The following NTRK3 variants were observed in gnomAD, a reference collection of about 807,000 sequenced individuals.
NTRK3 encodes neurotrophic receptor tyrosine kinase 3.
In NTRK3, 24 loss-of-function variants were observed where a neutral mutation model predicts 91.7. The ratio of observed to expected loss-of-function variants is 0.26; its 90% confidence interval spans 0.19 to 0.37. The LOEUF is 0.37. Ranked by LOEUF, NTRK3 falls within the 10% of genes least tolerant of loss-of-function variation. NTRK3 has a pLI of 1.00. For synonymous variants in NTRK3, 483 were observed against 404.0 expected (o/e 1.20, Z -2.34); for missense variants, 880 against 1,068.9 (o/e 0.82, Z 2.46).
chr15:87,915,463 A>G (rs1007851786), intron 17 of NTRK3, among the ~76,000 whole-genome samples: 5 of 152,238 alleles, frequency 3.3e-5, no homozygotes, highest in African/African-American at 1.2e-4. Flanking sequence ...GGTTGTAGCT[A>G]CTAACTCCAC....
At chr15:88,164,226 G>C (rs912280402) in intron 5 of NTRK3, among the ~76,000 whole-genome samples, 1 of 152,228 alleles carries the variant, frequency 6.6e-6, no homozygotes, top group Admixed American at 6.5e-5. Flanking sequence ...CCCACACGGT[G>C]GTGGGCTGCA....
At chr15:88,184,443 C>G (rs1328301265) in intron 3 of NTRK3, 144 bp from the exon 4 acceptor site, 2 of 801,726 alleles carry the variant, frequency 2.5e-6, no homozygotes, top group African/African-American at 3.4e-5. Flanking sequence ...ATCTGAGCCT[C>G]AGTTTCTTCC....
At chr15:88,074,637 T>C (rs1401339993) in intron 13 of NTRK3, among the ~76,000 whole-genome samples, 1 of 152,210 alleles carries the variant, frequency 6.6e-6, no homozygotes. Flanking sequence ...ATCCTCTTGC[T>C]AGTAAATGAT....
intron 13 of NTRK3, among the ~76,000 whole-genome samples, chr15:88,084,299 C>A (rs554371939): frequency 7.2e-5 from 11 of 152,142 alleles, no homozygotes; most frequent in Middle Eastern, 6.8e-3. Context: ...CTAAAAGCAG[C>A]CAAATCTGAC....
At chr15:88,217,476 T>C (rs543112167) in intron 3 of NTRK3, among the ~76,000 whole-genome samples, 1 of 152,294 alleles carries the variant, frequency 6.6e-6, no homozygotes, top group East Asian at 1.9e-4. Context: ...GAGGACATTA[T>C]GCTAAGTGAA....
chr15:88,186,228 T>G (rs573773171), intron 3 of NTRK3, among the ~76,000 whole-genome samples: 1 of 152,306 alleles, frequency 6.6e-6, no homozygotes, highest in South Asian at 2.1e-4. Context: ...CAAGCAACTT[T>G]TATCCAATTG....
chr15:88,242,421 C>T (rs962899025), intron 3 of NTRK3, among the ~76,000 whole-genome samples: 1 of 152,200 alleles, frequency 6.6e-6, no homozygotes, highest in Non-Finnish European at 1.5e-5. Flanking sequence ...GCACCCTCTC[C>T]ACCTTAGGGA....
At chr15:87,992,382 A>G (rs2075354569) in intron 14 of NTRK3, among the ~76,000 whole-genome samples, 1 of 152,018 alleles carries the variant, frequency 6.6e-6, no homozygotes, top group South Asian at 2.1e-4. Context: ...TTTCTCATCC[A>G]ATTGCCGTTC....
chr15:88,190,738 C>T (rs560512860), intron 3 of NTRK3, among the ~76,000 whole-genome samples: 1 of 152,276 alleles, frequency 6.6e-6, no homozygotes, highest in South Asian at 2.1e-4. Flanking sequence ...AGCCAGATGC[C>T]TTCAGGCCAG....
intron 17 of NTRK3, 102 bp from the exon 19 acceptor site, chr15:87,880,530 A>G (rs1567064145): frequency 2.3e-6 from 3 of 1,282,604 alleles, no homozygotes; most frequent in African/African-American, 1.5e-5. Context: ...GATGCATCCT[A>G]TTCTAAGATA....
At chr15:87,915,682 G>C (rs1049149779) in intron 17 of NTRK3, among the ~76,000 whole-genome samples, 1 of 152,184 alleles carries the variant, frequency 6.6e-6, no homozygotes, top group Admixed American at 6.5e-5. Context: ...ACCTTGGCTT[G>C]TAACTTAAAA....
chr15:88,063,530 T>G (rs1419520208), intron 13 of NTRK3, among the ~76,000 whole-genome samples: 1 of 152,254 alleles, frequency 6.6e-6, no homozygotes, highest in Non-Finnish European at 1.5e-5. Context: ...GAGCCCTGGC[T>G]GGTGGCTGTC....
chr15:88,158,775 C>G (rs545717166), intron 5 of NTRK3, among the ~76,000 whole-genome samples: 1 of 152,224 alleles, frequency 6.6e-6, no homozygotes, highest in African/African-American at 2.4e-5. Context: ...GATCCACCAC[C>G]CGGGGAGGTG....
At chr15:88,065,259 G>T (rs930839890) in intron 13 of NTRK3, among the ~76,000 whole-genome samples, 2 of 152,186 alleles carry the variant, frequency 1.3e-5, no homozygotes, top group African/African-American at 4.8e-5. Flanking sequence ...ACCACCAGGA[G>T]CATCCAACAC....
intron 13 of NTRK3, among the ~76,000 whole-genome samples, chr15:88,077,953 T>C (rs1045507725): frequency 2.4e-4 from 36 of 152,314 alleles, no homozygotes; most frequent in Middle Eastern, 3.4e-3. Flanking sequence ...TCTCGGATCA[T>C]GTCCTAACAG....
exon 19 of NTRK3, chr15:87,867,987 G>T (rs975196078): frequency 2.2e-5 from 5 of 229,602 alleles, no homozygotes; most frequent in African/African-American, 4.4e-5. Flanking sequence ...GCTCCAAAGT[G>T]CAGAAAGTCA....
At chr15:88,165,008 G>A (rs966443089) in intron 5 of NTRK3, among the ~76,000 whole-genome samples, 3 of 152,154 alleles carry the variant, frequency 2.0e-5, no homozygotes, top group African/African-American at 7.2e-5. Flanking sequence ...TTGAGTATAT[G>A]GACCCTAGAG....
chr15:88,054,480 T>C (rs934567744), intron 13 of NTRK3, among the ~76,000 whole-genome samples: 5 of 152,190 alleles, frequency 3.3e-5, no homozygotes, highest in Non-Finnish European at 5.9e-5. Flanking sequence ...TGCAGGCTCC[T>C]TTATAGTAGA....
In NTRK3 at chr15:88,256,093, C is replaced by A. The variant is rs200822610; in HGVS notation, c.61G>T (p.Val21Phe). 3.1e-4 allele frequency: 502 copies of A among 1,612,052 alleles called. 2 individuals carry two copies. In the East Asian group the frequency reaches 9.2e-3, roughly 30 times the overall value. ...ACGGAGCCCACATAGTCCAGCCAGA[C>A]GCTTCCCAGCAAGAAAATCCGCCAG... The change falls in exon 3 of 19, where the codon GTC becomes TTC. Residue 21 changes from valine to phenylalanine, a missense_variant. Val to Phe is a conservative substitution (Grantham distance 50, BLOSUM62 -1). This residue lies in a region of NTRK3 where 743 missense variants were observed against 868.6 expected (regional missense o/e 0.86). Coordinates refer to ENST00000394480, the Ensembl canonical transcript of NTRK3.
Sources: allele counts gnomAD v4.1 joint callset (sites outside exome capture counted in the v4.1 genomes callset), GRCh38; gene constraint gnomAD v4.1.1; regional missense constraint gnomAD v4.1.1; transcripts MANE v1.5; gene names NCBI Gene and HGNC (gene_info 2026-07-23, HGNC 2026-07-21).